DGKG: variants seen among roughly 807,000 people sequenced by gnomAD.
DGKG encodes diacylglycerol kinase gamma.
Under a neutral mutation model 105.3 loss-of-function variants are expected in DGKG, and 78 were observed. That is an observed-to-expected ratio of 0.74 (90% CI 0.62 to 0.89). The LOEUF is 0.89. Ranked by LOEUF, DGKG falls within the 40% of genes least tolerant of loss-of-function variation. DGKG has a pLI of 0.00. For missense variants in DGKG, 958 were observed against 1,020.1 expected (o/e 0.94, Z 0.83); for synonymous variants, 346 against 367.1 (o/e 0.94, Z 0.66).
At position 186,257,873 on chromosome 3, in the gene DGKG, G is replaced by A. The variant is rs1381355163; in HGVS notation, c.1491C>T (p.Gly497=). 6.2e-7 allele frequency: 1 copy of A among 1,613,774 alleles called. No individual in the cohort carries two copies. The highest frequency in any genetic ancestry group is 8.5e-7 in the Non-Finnish European group (1 of 1,179,930). Residue 497 remains glycine, a synonymous_variant, in exon 17 of 25, where the codon GGC becomes GGT. Coordinates refer to ENST00000265022, the MANE Select transcript of DGKG (RefSeq NM_001346.3). The part of the protein sequence containing the change: ...VLACGGDGTV[G]WILDCIDKAN... The stretch of plus-strand genomic sequence containing the variant: ...GCTTACCAATGCAATCCAAAATCCA[G>A]CCAACTGTCCCATCTCCACCACAGG...
intron 2 of DGKG, among the ~76,000 whole-genome samples, chr3:186,316,934 G>A (rs1225089587): frequency 2.6e-5 from 4 of 152,222 alleles, no homozygotes; most frequent in Admixed American, 6.5e-5. Flanking sequence ...GGTTTCCTCT[G>A]AGGATTAATC....
At chr3:186,270,505 T>C (rs1722266269) in intron 11 of DGKG, among the ~76,000 whole-genome samples, 1 of 152,252 alleles carries the variant, frequency 6.6e-6, no homozygotes, top group Non-Finnish European at 1.5e-5. Flanking sequence ...GGCAAAATTA[T>C]TGCTTTGGAA....
chr3:186,276,003 C>T (rs1202674191), intron 9 of DGKG, among the ~76,000 whole-genome samples: 1 of 150,586 alleles, frequency 6.6e-6, no homozygotes, highest in South Asian at 2.1e-4. Context: ...TATTATCTAT[C>T]ATCTATCTAT....
intron 1 of DGKG, among the ~76,000 whole-genome samples, chr3:186,334,110 T>C (rs1725720197): frequency 6.6e-6 from 1 of 152,122 alleles, no homozygotes; most frequent in African/African-American, 2.4e-5. Flanking sequence ...TTGTTTCCCA[T>C]AACAACATAA....
intron 5 of DGKG, among the ~76,000 whole-genome samples, chr3:186,295,065 A>G (rs1204259732): frequency 6.6e-6 from 1 of 152,198 alleles, no homozygotes; most frequent in Non-Finnish European, 1.5e-5. Context: ...TGAAAACTCG[A>G]TAATCCTTCC....
chr3:186,316,180 G>A (rs1232062345), intron 2 of DGKG, among the ~76,000 whole-genome samples: 1 of 152,226 alleles, frequency 6.6e-6, no homozygotes, highest in East Asian at 1.9e-4. Context: ...GCAGAGATGA[G>A]TCATGCCCAC....
At chr3:186,331,300 C>A (rs1016139539) in intron 1 of DGKG, among the ~76,000 whole-genome samples, 8 of 152,196 alleles carry the variant, frequency 5.3e-5, no homozygotes, top group Non-Finnish European at 1.2e-4. Flanking sequence ...GGGGCTGTAG[C>A]TGCTGAGCAT....
chr3:186,273,001 T>C (rs1171307647), intron 10 of DGKG, among the ~76,000 whole-genome samples: 1 of 152,184 alleles, frequency 6.6e-6, no homozygotes, highest in Non-Finnish European at 1.5e-5. Context: ...AGTGCTGGTG[T>C]AAGCCACCGC....
intron 5 of DGKG, among the ~76,000 whole-genome samples, chr3:186,291,659 T>C (rs1723313893): frequency 1.3e-5 from 2 of 151,324 alleles, no homozygotes; most frequent in Admixed American, 1.3e-4. Flanking sequence ...GAGTGTATGA[T>C]AACATTTATA....
chr3:186,152,317 G>T (rs1715800040), intron 24 of DGKG, among the ~76,000 whole-genome samples: 1 of 152,148 alleles, frequency 6.6e-6, no homozygotes, highest in Non-Finnish European at 1.5e-5. Flanking sequence ...TGGGCATTAT[G>T]TTTATCCCAG....
intron 2 of DGKG, among the ~76,000 whole-genome samples, chr3:186,317,444 T>C (rs1316544059): frequency 6.6e-6 from 1 of 152,136 alleles, no homozygotes; most frequent in Non-Finnish European, 1.5e-5. Context: ...CTACAGGACA[T>C]GTTTCTTAGA....
chr3:186,306,413 G>A (rs892173743), intron 3 of DGKG, among the ~76,000 whole-genome samples: 3 of 152,148 alleles, frequency 2.0e-5, no homozygotes, highest in African/African-American at 7.2e-5. Flanking sequence ...AGGAGGGAGG[G>A]AAAGAGGGAG....
chr3:186,244,116 C>T (rs1436994169), intron 19 of DGKG, among the ~76,000 whole-genome samples: 8 of 151,928 alleles, frequency 5.3e-5, no homozygotes, highest in African/African-American at 1.7e-4. Context: ...AGGCTGGTCT[C>T]GAACCTCAGG....
At chr3:186,360,266 G>C (rs1018655312) in intron 1 of DGKG, among the ~76,000 whole-genome samples, 16 of 151,992 alleles carry the variant, frequency 1.1e-4, no homozygotes, top group African/African-American at 3.9e-4. Flanking sequence ...CCCATGTCTC[G>C]GTTGATCTGA....
chr3:186,219,737 G>C (rs959484298), intron 20 of DGKG, among the ~76,000 whole-genome samples: 3 of 151,928 alleles, frequency 2.0e-5, no homozygotes, highest in Non-Finnish European at 4.4e-5. Flanking sequence ...TCTCAAGAAG[G>C]GGCTCAGAAA....
chr3:186,267,664 C>A, intron 13 of DGKG, 21 bp downstream of exon 13: 1 of 1,604,382 alleles, frequency 6.2e-7, no homozygotes, highest in Non-Finnish European at 8.5e-7. Context: ...CTACAGCCCT[C>A]GCCGGGGCAG....
At chr3:186,320,115 C>T (rs1183455747) in intron 2 of DGKG, among the ~76,000 whole-genome samples, 1 of 152,174 alleles carries the variant, frequency 6.6e-6, no homozygotes, top group Non-Finnish European at 1.5e-5. Flanking sequence ...CAGGGAAGTG[C>T]TCTAAGATGT....
Position 186,277,794 on chromosome 3 carries a change from C to T in DGKG, c.792+2057G>A, listed in dbSNP as rs565570933. Among the ~76,000 whole-genome samples the T allele has an allele frequency of 2.6e-5, 4 of 152,178 alleles. No homozygotes were observed. In the South Asian group the frequency reaches 8.3e-4, roughly 32 times the overall value. ...CTCGTGCTCACCAGGTTTTATGCTG[C>T]TGCTACGATTTTCCTGGGAGAGAGT... is the stretch of plus-strand genomic sequence containing the variant. On this transcript the variant is annotated intron_variant, in intron 9 of 24. Coordinates refer to ENST00000265022, the MANE Select transcript of DGKG (RefSeq NM_001346.3).
At chr3:186,332,135 T>G (rs1725633775) in intron 1 of DGKG, among the ~76,000 whole-genome samples, 1 of 152,004 alleles carries the variant, frequency 6.6e-6, no homozygotes, top group Non-Finnish European at 1.5e-5. Context: ...GTCCTCAACA[T>G]GGAAGGGGAA....
Sources: gnomAD v4.1 joint callset for allele counts (sites outside exome capture counted in the v4.1 genomes callset) on GRCh38, gnomAD v4.1.1 for gene constraint, MANE v1.5 for transcripts, NCBI Gene and HGNC (gene_info 2026-07-23, HGNC 2026-07-21) for gene names.